The following DNAH9 variants were observed in gnomAD, a reference collection of about 807,000 sequenced individuals.
The protein encoded by DNAH9 is DNAH9 variant protein.
DNAH9 carries 345 observed loss-of-function variants against 471.6 expected under a neutral mutation model. The ratio of observed to expected loss-of-function variants is 0.73; its 90% CI spans 0.67 to 0.80. The LOEUF is 0.80. Ranked by LOEUF, DNAH9 falls within the 30% of genes least tolerant of loss-of-function variation. The pLI is 0.00. For synonymous variants in DNAH9, 2,093 were observed against 2,123.6 expected (o/e 0.99, Z 0.40); for missense variants, 5,407 against 5,609.2 (o/e 0.96, Z 1.15).
chr17:11,695,739 A>G (rs561580378), intron 22 of DNAH9, among the ~76,000 whole-genome samples: 1 of 152,186 alleles, frequency 6.6e-6, no homozygotes, highest in Non-Finnish European at 1.5e-5. Context: ...CTGATTCACT[A>G]CGTCTGGGTA....
intron 14 of DNAH9, among the ~76,000 whole-genome samples, chr17:11,655,633 C>T (rs1247341859): frequency 7.8e-6 from 1 of 127,864 alleles, no homozygotes; most frequent in Non-Finnish European, 1.7e-5. Context: ...ACACACACAC[C>T]ATGTATATAC....
intron 67 of DNAH9, among the ~76,000 whole-genome samples, chr17:11,957,202 C>T (rs1395751438): frequency 2.0e-5 from 3 of 152,014 alleles, no homozygotes; most frequent in African/African-American, 7.2e-5. Context: ...TCAAAGCTCA[C>T]CCAAGTAAAA....
chr17:11,964,593 T>G (rs1462103108), intron 68 of DNAH9, among the ~76,000 whole-genome samples: 1 of 152,064 alleles, frequency 6.6e-6, no homozygotes, highest in East Asian at 1.9e-4. Flanking sequence ...AAAAACTGAG[T>G]CAGAATCAAC....
At chr17:11,807,004 A>G (rs1308422438) in intron 43 of DNAH9, among the ~76,000 whole-genome samples, 1 of 152,102 alleles carries the variant, frequency 6.6e-6, no homozygotes, top group Non-Finnish European at 1.5e-5. Context: ...TCTGAAGAAG[A>G]TGAGGTCTGG....
At chr17:11,659,562 C>T (rs2073717856) in intron 14 of DNAH9, among the ~76,000 whole-genome samples, 1 of 152,224 alleles carries the variant, frequency 6.6e-6, no homozygotes, top group Non-Finnish European at 1.5e-5. Context: ...TGGCCCCTTG[C>T]TCCTTGCTCT....
intron 12 of DNAH9, among the ~76,000 whole-genome samples, chr17:11,647,872 A>G (rs753084745): frequency 6.6e-6 from 1 of 152,232 alleles, no homozygotes; most frequent in Non-Finnish European, 1.5e-5. Flanking sequence ...TTGTCAAACT[A>G]GGCGGGAGTG....
chr17:11,874,221 T>C (rs576180020), intron 52 of DNAH9, among the ~76,000 whole-genome samples: 4 of 132,510 alleles, frequency 3.0e-5, no homozygotes, highest in African/African-American at 5.8e-5. Flanking sequence ...CTCCAGCCTG[T>C]GTGACAGAGC....
chr17:11,887,046 C>T, intron 57 of DNAH9, 81 bp downstream of exon 57: 3 of 1,490,322 alleles, frequency 2.0e-6, no homozygotes, highest in Non-Finnish European at 2.7e-6. Flanking sequence ...GAGAGCTTAT[C>T]CATGTAAGAT....
At chr17:11,725,220 C>G (rs1196079052) in intron 27 of DNAH9, among the ~76,000 whole-genome samples, 1 of 152,180 alleles carries the variant, frequency 6.6e-6, no homozygotes, top group Non-Finnish European at 1.5e-5. Flanking sequence ...GGCTGGGGAC[C>G]CCTGATTTAA....
chr17:11,863,599 C>A (rs1971936860), intron 50 of DNAH9, among the ~76,000 whole-genome samples: 1 of 151,364 alleles, frequency 6.6e-6, no homozygotes, highest in South Asian at 2.1e-4. Context: ...AGGAATGGTG[C>A]CAGCTCCTCC....
At chr17:11,617,904 A>G (rs1291544050) in intron 5 of DNAH9, among the ~76,000 whole-genome samples, 1 of 152,184 alleles carries the variant, frequency 6.6e-6, no homozygotes, top group African/African-American at 2.4e-5. Flanking sequence ...ACCTATGAAG[A>G]AGGACTGGTA....
At chr17:11,748,148 CAAAAAAAAAAAAAAAA>C (rs71142241) in intron 32 of DNAH9, among the ~76,000 whole-genome samples, 3 of 64,674 alleles carry the variant, frequency 4.6e-5, no homozygotes, top group South Asian at 8.6e-4. Context: ...ACTAAAAATA[CAAAAAAAAAAAAAAAA>C]AAAAAAAAAA....
intron 50 of DNAH9, among the ~76,000 whole-genome samples, chr17:11,860,230 A>G (rs141807596): frequency 6.6e-6 from 1 of 152,224 alleles, no homozygotes; most frequent in African/African-American, 2.4e-5. Flanking sequence ...CAGAGTTTCT[A>G]CTTTCCTTTA....
At chr17:11,869,035 C>A in intron 50 of DNAH9, 99 bp from the exon 51 acceptor site, 1 of 1,421,452 alleles carries the variant, frequency 7.0e-7, no homozygotes. Context: ...CCGCAGAGTG[C>A]TTCCTTCAGA....
rs768755845 is a variant in DNAH9, at chr17:11,610,421, A to T, written c.640A>T (p.Ile214Phe). Residue 214 changes from isoleucine to phenylalanine, a missense_variant, in exon 3 of 69, where the codon ATC becomes TTC. Ile to Phe is a conservative substitution (Grantham distance 21, BLOSUM62 0). Around this residue, in one of 3 missense-constraint regions of DNAH9, gnomAD observed 767 missense variants for 692.5 expected, o/e 1.11. Coordinates refer to ENST00000262442, the MANE Select transcript of DNAH9 (RefSeq NM_001372.4). Reference protein sequence around the residue: ...TVLDSIDKSVIYAIESAVIKW... With the variant: ...TVLDSIDKSVFYAIESAVIKW... ...CTTGGATTCTATAGATAAGTCAGTCATCTATGCCATTGAGTCTGCAGTGAT... is the reference window on the plus strand; with the variant it reads ...CTTGGATTCTATAGATAAGTCAGTCTTCTATGCCATTGAGTCTGCAGTGAT... The T allele has an allele frequency of 1.2e-6, 2 of 1,613,594 alleles. No individual in the cohort carries two copies. Among genetic ancestry groups the T allele is most frequent in the Non-Finnish European group, 1.7e-6 (2 of 1,179,870 alleles).
At chr17:11,810,444 G>T (rs753872170) in intron 45 of DNAH9, 75 bp downstream of exon 45, 2 of 1,539,444 alleles carry the variant, frequency 1.3e-6, no homozygotes, top group East Asian at 2.3e-5. Context: ...TGAAGATTTC[G>T]TCCAGGGTGG....
intron 30 of DNAH9, 99 bp from the exon 31 acceptor site, chr17:11,744,698 G>A (rs1038681628): frequency 4.8e-6 from 5 of 1,049,776 alleles, no homozygotes; most frequent in African/African-American, 3.2e-5. Flanking sequence ...AGGCTTCAGA[G>A]GTGACCTAAT....
intron 58 of DNAH9, among the ~76,000 whole-genome samples, chr17:11,893,212 C>T (rs1005206457): frequency 2.0e-5 from 3 of 151,194 alleles, no homozygotes; most frequent in East Asian, 3.9e-4. Context: ...CCCCACCTCT[C>T]AGTGTGAATC....
chr17:11,640,372 G>A lies in DNAH9; in HGVS notation c.1889G>A (p.Arg630His), dbSNP rs111906560. The A allele has an allele frequency of 3.0e-4, 485 of 1,606,790 alleles. 3 individuals are homozygous for A. The African/African-American group carries it at 5.2e-3, about 17-fold the overall frequency. ...CAGGGTCCTTTCAGCAACTTTGGAC[G>A]CATCACACACCCGTGAGTATTGTGT... ...RIQGPFSNFG[R>H]ITHPCMESAE... The change falls in exon 10 of 69, where the codon CGC becomes CAC. Residue 630 changes from arginine to histidine, a missense_variant. By Grantham distance (29) the Arg-to-His change is conservative. Transcript: ENST00000262442.
Sources: gnomAD v4.1 joint callset for allele counts (sites outside exome capture counted in the v4.1 genomes callset) on GRCh38, gnomAD v4.1.1 for gene constraint, gnomAD v4.1.1 regional missense constraint, MANE v1.5 for transcripts, NCBI Gene and HGNC (gene_info 2026-07-23, HGNC 2026-07-21) for gene names.